SUPT20H: variants seen among roughly 807,000 people sequenced by gnomAD.
SUPT20H encodes the protein transcription factor SPT20 homolog.
A neutral mutation model predicts 122.8 loss-of-function variants in SUPT20H; 82 were observed. That is an observed-to-expected ratio of 0.67 (90% CI 0.56 to 0.80). The LOEUF (loss-of-function observed/expected upper bound fraction) is 0.80. SUPT20H is among the 30% of genes least tolerant of loss of function. The probability of loss-of-function intolerance (pLI) is 0.00; values close to 1 mark genes in which losing one functional copy is unlikely to be tolerated. For synonymous variants in SUPT20H, 291 were observed against 313.0 expected (o/e 0.93, Z 0.74); for missense variants, 831 against 921.6 (o/e 0.90, Z 1.27).
At position 37,040,668 on chromosome 13, in the gene SUPT20H, C is replaced by T; in HGVS notation, c.421G>A (p.Val141Ile). The change falls in exon 8 of 26, where the codon GTC becomes ATC. Residue 141 changes from valine (V) to isoleucine (I), a missense_variant. Transcript: ENST00000350612. ...SQVNIFHCGCVIAEIRDYRQS... is the reference protein window; with the variant it reads ...SQVNIFHCGCIIAEIRDYRQS... ...CTGTAGTCACGTATTTCTGCTATGA[C>T]ACATCCGCAATGAAAAATATTAACC... The T allele has an allele frequency of 6.2e-7, 1 of 1,613,612 alleles. No homozygotes were observed. The highest frequency in any genetic ancestry group is 8.5e-7 in the Non-Finnish European group (1 of 1,179,892).
rs1417452997 is a variant in SUPT20H, at chr13:37,024,053, G to GT, written c.1572dup (p.Pro525ThrfsTer21). On this transcript the variant is annotated frameshift_variant, in exon 19 of 26. Coordinates refer to ENST00000350612, the MANE Select transcript of SUPT20H (RefSeq NM_001014286.3). LOFTEE classifies it high-confidence loss of function. The stretch of plus-strand genomic sequence containing the variant: ...GACTCACTTTGTGATGAGCTGGCAG[G>GT]TGATAGGGCAGCTGGAGAAAGCATG... 12 of 1,611,854 alleles carry GT rather than the reference G, an allele frequency of 7.4e-6. No homozygotes were observed. Among genetic ancestry groups the GT allele is most frequent in the African/African-American group, 2.7e-5 (2 of 74,934 alleles).
chr13:37,010,518 T>C (rs1566089565), intron 25 of SUPT20H, 34 bp downstream of exon 25: 1 of 1,587,610 alleles, frequency 6.3e-7, no homozygotes. Flanking sequence ...TGAGTATCTT[T>C]AAAAATGTAA....
At chr13:37,041,471 T>C (rs995445642) in intron 7 of SUPT20H, among the ~76,000 whole-genome samples, 31 of 151,732 alleles carry the variant, frequency 2.0e-4, no homozygotes, top group African/African-American at 5.3e-4. Flanking sequence ...TGAGCCGAGA[T>C]TGGGCCACTG....
In SUPT20H at chr13:37,033,586, T is replaced by C. The variant is rs766190201; in HGVS notation, c.570A>G (p.Glu190=). ...ITSDNHKWTQ[E]DKLLLESQLI... ...GCTGGCTCTCAAGCAAAAGTTTGTC[T>C]TCCTGAAATGTGTAAGAGCATATGT... Residue 190 remains glutamate, a splice_region_variant and synonymous_variant, in exon 10 of 26, where the codon GAA becomes GAG. Coordinates refer to ENST00000350612, the MANE Select transcript of SUPT20H (RefSeq NM_001014286.3). The C allele has an allele frequency of 5.6e-6, 9 of 1,613,012 alleles. No homozygotes were observed. Among genetic ancestry groups the C allele is most frequent in the African/African-American group, 5.3e-5 (4 of 75,032 alleles).
At chr13:37,049,448 A>T (rs1197566639) in intron 2 of SUPT20H, among the ~76,000 whole-genome samples, 1 of 152,144 alleles carries the variant, frequency 6.6e-6, no homozygotes, top group Non-Finnish European at 1.5e-5. Context: ...TTCTAAACAA[A>T]ATTAAACATG....
At chr13:37,013,534 G>T (rs2139099385) in intron 23 of SUPT20H, 1 of 151,286 alleles carries the variant, frequency 6.6e-6, no homozygotes. Flanking sequence ...AAAACTGTTA[G>T]AAAAAAAACA....
chr13:37,037,367 G>C lies in SUPT20H; in HGVS notation c.567+3038C>G, dbSNP rs568643776. ...ATAGTGTAAATGTAACCTTTTTATA[G>C]ACTAGGAAACCAAAAAGTTCATGTG... is the stretch of plus-strand genomic sequence containing the variant. On this transcript the variant is annotated intron_variant, in intron 9 of 25. Transcript: ENST00000350612. 3.0e-4 allele frequency among the ~76,000 whole-genome samples: 45 copies of C among 152,256 alleles called. No individual in the cohort carries two copies. The South Asian group carries it at 8.9e-3, about 30-fold the overall frequency.
intron 1 of SUPT20H, among the ~76,000 whole-genome samples, chr13:37,053,909 G>A (rs2068324293): frequency 6.6e-6 from 1 of 152,036 alleles, no homozygotes; most frequent in Non-Finnish European, 1.5e-5. Flanking sequence ...GAATCAAATA[G>A]ACGCAATAAA....
chr13:37,044,173 T>C lies in SUPT20H; in HGVS notation c.301A>G (p.Thr101Ala). The C allele has an allele frequency of 6.2e-7, 1 of 1,602,266 alleles. No homozygotes were observed. The highest frequency in any genetic ancestry group is 8.5e-7 in the Non-Finnish European group (1 of 1,174,812). Residue 101 changes from threonine to alanine, a missense_variant, in exon 7 of 26, where the codon ACC (threonine) becomes GCC (alanine). Physicochemically the swap from Thr to Ala is moderately conservative, Grantham distance 58. Coordinates refer to ENST00000350612, the MANE Select transcript of SUPT20H (RefSeq NM_001014286.3). ...CCTTCTTCATAGGGCAGTCGAATGG[T>C]CTCGGAATCTTAATTTAAAACATGA... ...LRGKNGSDSETIRLPYEEGEL... is the reference protein window; with the variant it reads ...LRGKNGSDSEAIRLPYEEGEL...
intron 23 of SUPT20H, chr13:37,012,979 T>TA (rs1212673834): frequency 6.6e-6 from 1 of 152,092 alleles, no homozygotes; most frequent in Non-Finnish European, 1.5e-5. Context: ...TTGGTCTAGA[T>TA]AAGGACATAT....
intron 23 of SUPT20H, among the ~76,000 whole-genome samples, chr13:37,016,522 C>G (rs184967413): frequency 6.6e-6 from 1 of 151,860 alleles, no homozygotes; most frequent in African/African-American, 2.4e-5. Context: ...TCTAGCCAAG[C>G]AATCTTTAAT....
At chr13:37,017,864 AT>A (rs2060788980) in intron 22 of SUPT20H, among the ~76,000 whole-genome samples, 2 of 152,196 alleles carry the variant, frequency 1.3e-5, no homozygotes, top group South Asian at 4.1e-4. Flanking sequence ...GTCCATATTT[AT>A]TCTGTAGACC....
In SUPT20H at chr13:37,040,620, G is replaced by C. The variant is rs769725161; in HGVS notation, c.469C>G (p.Pro157Ala). Residue 157 changes from proline (P) to alanine (A), a missense_variant, in exon 8 of 26, where the codon CCT (proline) becomes GCT (alanine). Pro to Ala is a conservative substitution (Grantham distance 27, BLOSUM62 -1). Coordinates refer to ENST00000350612, the MANE Select transcript of SUPT20H (RefSeq NM_001014286.3). ...AGAATGTGCCGACTTTGGTAACCAGGAGATTTCATGTTACTGGACTGCCTG... is the reference window on the plus strand; with the variant it reads ...AGAATGTGCCGACTTTGGTAACCAGCAGATTTCATGTTACTGGACTGCCTG... ...DYRQSSNMKS[P>A]GYQSRHILLR... 2.5e-6 allele frequency: 4 copies of C among 1,614,084 alleles called. No homozygotes were observed. In the East Asian group the frequency reaches 8.9e-5, roughly 36 times the overall value.
chr13:37,048,517 CAATT>C, intron 3 of SUPT20H, 43 bp downstream of exon 3: 7 of 1,512,688 alleles, frequency 4.6e-6, no homozygotes, highest in Non-Finnish European at 6.2e-6. Flanking sequence ...GAGCTTTTGT[CAATT>C]AAAGACAACA....
At chr13:37,016,128 G>A (rs780895657) in intron 23 of SUPT20H, among the ~76,000 whole-genome samples, 7 of 152,070 alleles carry the variant, frequency 4.6e-5, no homozygotes, top group Non-Finnish European at 8.8e-5. Context: ...GCACACTTAA[G>A]AAGTTAAAAT....
intron 9 of SUPT20H, among the ~76,000 whole-genome samples, chr13:37,037,134 T>C (rs565116143): frequency 2.7e-5 from 4 of 150,938 alleles, no homozygotes; most frequent in Admixed American, 6.6e-5. Flanking sequence ...GAGGCAGAGA[T>C]TGCAGTGAGC....
intron 16 of SUPT20H, 150 bp from the exon 17 acceptor site, chr13:37,025,587 A>G (rs4941855): frequency 0.9 from 516,195 of 571,714 alleles, 233,535 homozygotes; most frequent in East Asian, 1. Context: ...TTATCTTTGT[A>G]TTAAAAGTAC....
At chr13:37,059,388 T>G (rs1199963) in intron 1 of SUPT20H, 171 bp downstream of exon 1, 141,041 of 152,300 alleles carry the variant, frequency 0.93, 65,408 homozygotes, top group East Asian at 1. Flanking sequence ...GGCGTCCACC[T>G]GGAGTTTAGC....
chr13:37,040,380 G>T (rs747669711), intron 9 of SUPT20H, 25 bp downstream of exon 9: 1 of 1,542,818 alleles, frequency 6.5e-7, no homozygotes, highest in South Asian at 1.3e-5. Flanking sequence ...TTGCCTGTTT[G>T]AGATTAAAAA....
Sources: allele counts gnomAD v4.1 joint callset (sites outside exome capture counted in the v4.1 genomes callset), GRCh38; gene constraint gnomAD v4.1.1; transcripts MANE v1.5; gene names NCBI Gene and HGNC (gene_info 2026-07-23, HGNC 2026-07-21).